Variants in DOCK2 observed in about 807,000 individuals in gnomAD.
The protein encoded by DOCK2 is dedicator of cytokinesis protein 2.
In DOCK2, 87 loss-of-function variants were observed where a neutral mutation model predicts 248.9. The observed-to-expected ratio is 0.35, with a 90% confidence interval of 0.29 to 0.42. The LOEUF (loss-of-function observed/expected upper bound fraction) is 0.42, where lower values mean the gene tolerates loss of function less well. Among genes scored for constraint, DOCK2 ranks in the 10% least tolerant of loss-of-function variants. The pLI is 1.00. For missense variants in DOCK2, 1,747 were observed against 2,300.2 expected (o/e 0.76, Z 4.92); for synonymous variants, 805 against 821.6 (o/e 0.98, Z 0.35).
At chr5:169,671,215 G>T (rs749673008) in intron 5 of DOCK2, 41 bp downstream of exon 5, 12 of 1,578,200 alleles carry the variant, frequency 7.6e-6, no homozygotes, top group South Asian at 5.6e-5. Flanking sequence ...GAAGCTTCTT[G>T]CAATCTTCAG....
chr5:169,822,086 G>A (rs1385049388), intron 26 of DOCK2, among the ~76,000 whole-genome samples: 4 of 152,174 alleles, frequency 2.6e-5, no homozygotes, highest in Non-Finnish European at 5.9e-5. Context: ...AAATATATAT[G>A]CACCCAATAC....
chr5:169,890,302 A>T (rs1352217801), intron 27 of DOCK2, among the ~76,000 whole-genome samples: 1 of 152,214 alleles, frequency 6.6e-6, no homozygotes, highest in Non-Finnish European at 1.5e-5. Context: ...TCCTAAGCAC[A>T]GTGCTGAGTC....
At chr5:169,798,643 G>T (rs953015685) in intron 25 of DOCK2, among the ~76,000 whole-genome samples, 1 of 152,186 alleles carries the variant, frequency 6.6e-6, no homozygotes, top group Non-Finnish European at 1.5e-5. Context: ...GGTACTAAGT[G>T]TTTTTCCTGT....
intron 1 of DOCK2, 46 bp from the exon 2 acceptor site, chr5:169,654,357 T>A (rs755402670): frequency 1.2e-6 from 2 of 1,604,956 alleles, no homozygotes; most frequent in East Asian, 4.5e-5. Context: ...CAGAGACTAA[T>A]GAGATCTAGA....
chr5:169,930,411 G>A (rs1775694381), intron 27 of DOCK2, among the ~76,000 whole-genome samples: 1 of 152,202 alleles, frequency 6.6e-6, no homozygotes, highest in African/African-American at 2.4e-5. Context: ...GGACCTCAGA[G>A]CCTCTTAGGG....
At chr5:169,825,467 G>A (rs1389655233) in intron 26 of DOCK2, among the ~76,000 whole-genome samples, 1 of 151,060 alleles carries the variant, frequency 6.6e-6, no homozygotes, top group African/African-American at 2.5e-5. Context: ...CATGTCCTTT[G>A]TAGGGACATG....
intron 22 of DOCK2, among the ~76,000 whole-genome samples, chr5:169,738,297 A>G (rs1388772258): frequency 6.6e-6 from 1 of 152,184 alleles, no homozygotes; most frequent in Non-Finnish European, 1.5e-5. Flanking sequence ...ATTATGTAGA[A>G]ACTGGATTGA....
At chr5:169,939,146 C>T (rs539685211) in intron 27 of DOCK2, among the ~76,000 whole-genome samples, 19 of 151,670 alleles carry the variant, frequency 1.3e-4, no homozygotes, top group Non-Finnish European at 2.5e-4. Context: ...CCTCGTGATC[C>T]GCCCACCTCA....
chr5:170,054,538 T>C (rs1376341507), intron 41 of DOCK2, among the ~76,000 whole-genome samples: 7 of 152,256 alleles, frequency 4.6e-5, no homozygotes, highest in South Asian at 2.1e-4. Flanking sequence ...ATGGGACTCT[T>C]TTCCACTGTC....
At chr5:169,702,631 A>G (rs2113476083) in intron 14 of DOCK2, 1 of 541,524 alleles carries the variant, frequency 1.8e-6, no homozygotes, top group African/African-American at 1.9e-5. Flanking sequence ...ACACCAAAGC[A>G]GTTTTTCAAT....
intron 1 of DOCK2, among the ~76,000 whole-genome samples, chr5:169,649,812 C>CT (rs367853396): frequency 0.015 from 2,254 of 146,332 alleles, 56 homozygotes; most frequent in African/African-American, 0.051. Context: ...TTTTTTCTTT[C>CT]TTTTTTTTTT....
intron 25 of DOCK2, among the ~76,000 whole-genome samples, chr5:169,771,920 AG>A (rs1241278308): frequency 9.8e-5 from 15 of 152,290 alleles, no homozygotes; most frequent in African/African-American, 3.6e-4. Context: ...ATATAGTGTG[AG>A]TAGGAATCTG....
intron 26 of DOCK2, among the ~76,000 whole-genome samples, chr5:169,829,972 C>T (rs1769117516): frequency 1.3e-5 from 2 of 152,330 alleles, no homozygotes; most frequent in Middle Eastern, 3.4e-3. Context: ...TCTGCTATCT[C>T]CTATTCTATT....
chr5:169,797,746 C>T (rs1766741452), intron 25 of DOCK2, among the ~76,000 whole-genome samples: 1 of 152,190 alleles, frequency 6.6e-6, no homozygotes, highest in African/African-American at 2.4e-5. Context: ...ACATTCATTA[C>T]CTCTGCCTAT....
intron 29 of DOCK2, among the ~76,000 whole-genome samples, chr5:169,986,783 T>C (rs6871661): frequency 0.043 from 6,571 of 152,322 alleles, 407 homozygotes; most frequent in African/African-American, 0.14. Flanking sequence ...TTATTTGTTT[T>C]AAATTCTTTC....
At chr5:169,667,891 A>G (rs75973008) in intron 2 of DOCK2, among the ~76,000 whole-genome samples, 2 of 152,266 alleles carry the variant, frequency 1.3e-5, no homozygotes, top group African/African-American at 4.8e-5. Flanking sequence ...GTGATGCTTC[A>G]TGAAGTAGAA....
chr5:169,908,875 G>C (rs1244480636), intron 27 of DOCK2, among the ~76,000 whole-genome samples: 1 of 151,864 alleles, frequency 6.6e-6, no homozygotes, highest in Admixed American at 6.6e-5. Context: ...CTACATTATT[G>C]CATTTCACCT....
intron 27 of DOCK2, among the ~76,000 whole-genome samples, chr5:169,973,458 G>A (rs1038561905): frequency 2.6e-5 from 4 of 152,152 alleles, no homozygotes; most frequent in East Asian, 1.9e-4. Flanking sequence ...CCCTCTGCAT[G>A]TGTCTTCTAC....
chr5:169,861,125 G>A (rs1771171919), intron 27 of DOCK2, among the ~76,000 whole-genome samples: 1 of 152,092 alleles, frequency 6.6e-6, no homozygotes, highest in Non-Finnish European at 1.5e-5. Flanking sequence ...GGGACACGCG[G>A]GGCTTCATGT....
Sources: allele counts gnomAD v4.1 joint callset (sites outside exome capture counted in the v4.1 genomes callset), GRCh38; gene constraint gnomAD v4.1.1; transcripts MANE v1.5; gene names NCBI Gene and HGNC (gene_info 2026-07-23, HGNC 2026-07-21).